NCKAP5: variants seen among roughly 807,000 people sequenced by gnomAD.
NCKAP5 encodes the protein NCK associated protein 5.
In NCKAP5, 92 loss-of-function variants were observed where a neutral mutation model predicts 167.0. The observed-to-expected ratio is 0.55, with a 90% CI of 0.47 to 0.66. NCKAP5 has a LOEUF of 0.66. Among genes scored for constraint, NCKAP5 ranks in the 30% least tolerant of loss-of-function variants. The probability of loss-of-function intolerance (pLI) is 0.00; values close to 1 mark genes in which losing one functional copy is unlikely to be tolerated. For synonymous variants in NCKAP5, 891 were observed against 877.4 expected (o/e 1.02, Z -0.27); for missense variants, 2,378 against 2,315.0 (o/e 1.03, Z -0.56).
At chr2:133,029,294 T>C (rs541041010) in intron 6 of NCKAP5, among the ~76,000 whole-genome samples, 18 of 152,166 alleles carry the variant, frequency 1.2e-4, no homozygotes, top group Non-Finnish European at 2.5e-4. Flanking sequence ...GGTAAGTAAG[T>C]ATATTATGAC....
At chr2:132,789,822 C>T (rs911258642) in intron 13 of NCKAP5, among the ~76,000 whole-genome samples, 2 of 152,166 alleles carry the variant, frequency 1.3e-5, no homozygotes, top group African/African-American at 4.8e-5. Flanking sequence ...TGTCATCTCA[C>T]CACGCTGCCC....
At chr2:133,365,708 A>G (rs1685416231) in intron 3 of NCKAP5, among the ~76,000 whole-genome samples, 2 of 152,316 alleles carry the variant, frequency 1.3e-5, no homozygotes, top group African/African-American at 4.8e-5. Flanking sequence ...ATTGAAGGCC[A>G]TTGCTTTATT....
In NCKAP5 at chr2:132,792,219, G is replaced by T. The variant is rs978296749; in HGVS notation, c.910-2014C>A. On this transcript the variant is annotated intron_variant, in intron 12 of 19. Transcript: ENST00000409261. Reference sequence around the variant, plus strand: ...CAATCTCTTTAAGTGATCTAAAAATGCCAAGAAATTTTACTATCCTATTTC... The same window carrying T: ...CAATCTCTTTAAGTGATCTAAAAATTCCAAGAAATTTTACTATCCTATTTC... Among the ~76,000 whole-genome samples, 11 of 152,268 alleles carry T rather than the reference G, an allele frequency of 7.2e-5. No individual in the cohort carries two copies. In the South Asian group the frequency reaches 2.3e-3, roughly 32 times the overall value.
chr2:132,857,762 T>G (rs1689587803), intron 11 of NCKAP5, among the ~76,000 whole-genome samples: 2 of 152,144 alleles, frequency 1.3e-5, no homozygotes, highest in African/African-American at 4.8e-5. Flanking sequence ...AATAGAGAAG[T>G]TTGTTGTCAA....
At chr2:133,071,024 T>C (rs2080376367) in intron 6 of NCKAP5, among the ~76,000 whole-genome samples, 1 of 152,134 alleles carries the variant, frequency 6.6e-6, no homozygotes, top group African/African-American at 2.4e-5. Flanking sequence ...CAATCATATA[T>C]CCATCAATTA....
chr2:133,559,137 T>C lies in NCKAP5; in HGVS notation c.-129-20A>G, dbSNP rs933051384. On this transcript the variant is annotated intron_variant, in intron 1 of 19. Transcript: ENST00000409261. ...ATGAACCTGTAAGAAGGTAATATAA[T>C]CTAAATATGTGGCTCAAATAATTAC... The C allele has an allele frequency of 1.3e-5, 2 of 152,182 alleles. No homozygotes were observed. Among genetic ancestry groups the C allele is most frequent in the Non-Finnish European group, 2.9e-5 (2 of 68,028 alleles). The allele number at this position is 152,182 out of a possible 1,614,324, so 9.4% of individuals were successfully genotyped here. A position where few individuals can be genotyped will look rare whatever the true frequency, so the allele number is the denominator to read the frequency against.
intron 5 of NCKAP5, among the ~76,000 whole-genome samples, chr2:133,135,435 T>C (rs2082755691): frequency 6.6e-6 from 1 of 152,058 alleles, no homozygotes; most frequent in Admixed American, 6.6e-5. Flanking sequence ...CGTAGGACCA[T>C]GAACATGACA....
At chr2:132,732,177 A>T (rs1323250866) in intron 16 of NCKAP5, 126 bp from the exon 17 acceptor site, 1 of 903,098 alleles carries the variant, frequency 1.1e-6, no homozygotes, top group Non-Finnish European at 1.6e-6. Flanking sequence ...TAAGAAAAAG[A>T]AAAATGTCAC....
At chr2:132,947,461 T>C (rs1468786361) in intron 8 of NCKAP5, among the ~76,000 whole-genome samples, 1 of 152,208 alleles carries the variant, frequency 6.6e-6, no homozygotes, top group African/African-American at 2.4e-5. Flanking sequence ...AATTTTAAAA[T>C]AAAGTGATTC....
chr2:132,856,904 A>AT (rs1689516236), intron 11 of NCKAP5, among the ~76,000 whole-genome samples: 1 of 152,106 alleles, frequency 6.6e-6, no homozygotes, highest in Non-Finnish European at 1.5e-5. Flanking sequence ...ATTTCAACAG[A>AT]TTTTCAGGTT....
At chr2:132,717,200 G>T (rs540717495) in intron 19 of NCKAP5, among the ~76,000 whole-genome samples, 2 of 152,238 alleles carry the variant, frequency 1.3e-5, no homozygotes, top group Admixed American at 6.5e-5. Context: ...GTCCCACTGC[G>T]CATGTCCATC....
intron 11 of NCKAP5, 103 bp downstream of exon 11, chr2:132,860,389 G>A: frequency 8.0e-7 from 1 of 1,255,050 alleles, no homozygotes; most frequent in African/African-American, 1.5e-5. Context: ...GGATTCTGAT[G>A]CAATATGCCT....
At chr2:133,046,092 A>C (rs2079390854) in intron 6 of NCKAP5, among the ~76,000 whole-genome samples, 1 of 152,200 alleles carries the variant, frequency 6.6e-6, no homozygotes, top group Non-Finnish European at 1.5e-5. Context: ...AGTGCCATTT[A>C]AAACTGATGA....
Position 133,072,277 on chromosome 2 carries a change from G to A in NCKAP5, c.341+57701C>T, listed in dbSNP as rs2080440613. The stretch of plus-strand genomic sequence containing the variant: ...ATTATTGTATTTTTAGTAGAGATGG[G>A]GTTTCACCATGTTGGCCAGGATGGT... On this transcript the variant is annotated intron_variant, in intron 6 of 19. Coordinates refer to ENST00000409261, the MANE Select transcript of NCKAP5 (RefSeq NM_207363.3). Among the ~76,000 whole-genome samples, 3 of 151,978 alleles carry A rather than the reference G, an allele frequency of 2.0e-5. No individual in the cohort carries two copies. The South Asian group carries it at 6.2e-4, about 32-fold the overall frequency.
chr2:133,649,946 T>G, the NCKAP5 span, among the ~76,000 whole-genome samples: 1 of 152,102 alleles, frequency 6.6e-6, no homozygotes, highest in Admixed American at 6.6e-5. Flanking sequence ...ATCTTATATA[T>G]TGGAAAGCCT....
intron 6 of NCKAP5, among the ~76,000 whole-genome samples, chr2:133,112,402 AG>A (rs2081946499): frequency 6.6e-6 from 1 of 152,034 alleles, no homozygotes; most frequent in African/African-American, 2.4e-5. Context: ...TGAACCCGGG[AG>A]GCGGAGCTTG....
At chr2:133,362,429 C>G (rs1047394246) in intron 3 of NCKAP5, among the ~76,000 whole-genome samples, 8 of 151,936 alleles carry the variant, frequency 5.3e-5, no homozygotes, top group African/African-American at 1.9e-4. Context: ...CAGAGGGGCC[C>G]CATATTAAGA....
intron 3 of NCKAP5, among the ~76,000 whole-genome samples, chr2:133,516,375 C>A (rs1297304426): frequency 6.6e-6 from 1 of 152,176 alleles, no homozygotes; most frequent in Non-Finnish European, 1.5e-5. Flanking sequence ...GAGAGGAGAA[C>A]CTGAAATACA....
intron 5 of NCKAP5, among the ~76,000 whole-genome samples, chr2:133,192,127 C>G (rs750920351): frequency 2.0e-5 from 3 of 151,900 alleles, no homozygotes; most frequent in Non-Finnish European, 4.4e-5. Flanking sequence ...AATAAAGAAA[C>G]CAGAAATACA....
Sources: allele counts gnomAD v4.1 joint callset (sites outside exome capture counted in the v4.1 genomes callset), GRCh38; gene constraint gnomAD v4.1.1; transcripts MANE v1.5; gene names NCBI Gene and HGNC (gene_info 2026-07-23, HGNC 2026-07-21).